JAKMIP2: variants seen among roughly 807,000 people sequenced by gnomAD.
The protein encoded by JAKMIP2 is janus kinase and microtubule interacting protein 2.
JAKMIP2 carries 25 observed loss-of-function variants against 115.0 expected under a neutral mutation model. That is an observed-to-expected ratio of 0.22 (90% CI 0.16 to 0.30). JAKMIP2 has a LOEUF of 0.30. Among genes scored for constraint, JAKMIP2 ranks in the 10% least tolerant of loss-of-function variants. The probability of loss-of-function intolerance (pLI) is 1.00; values close to 1 mark genes in which losing one functional copy is unlikely to be tolerated. For missense variants in JAKMIP2, 642 were observed against 957.6 expected, an observed-to-expected ratio of 0.67 and a Z score of 4.35; for synonymous variants, 334 against 343.6, an observed-to-expected ratio of 0.97 and a Z score of 0.31.
intron 1 of JAKMIP2, among the ~76,000 whole-genome samples, chr5:147,751,350 C>T (rs111710543): frequency 3.3e-5 from 5 of 151,740 alleles, no homozygotes; most frequent in East Asian, 1.9e-4. Flanking sequence ...CGCCCTCCTC[C>T]GCCTCCCAAC....
In JAKMIP2 at chr5:147,770,554, G is replaced by A. The variant is rs139857522; in HGVS notation, c.-149+11902C>T. Reference sequence around the variant, plus strand: ...TTTAAACAAAAAAGCCTCGAGTTGCGTGAATTTACACCACGTAAATGATAA... The same window carrying A: ...TTTAAACAAAAAAGCCTCGAGTTGCATGAATTTACACCACGTAAATGATAA... On this transcript the variant is annotated intron_variant, in intron 1 of 21. Transcript: ENST00000616793. 7.3e-3 allele frequency among the ~76,000 whole-genome samples: 1,117 copies of A among 151,994 alleles called. 6 individuals are homozygous for A. The highest frequency in any genetic ancestry group is 0.025 in the African/African-American group (1,026 of 41,464).
intron 8 of JAKMIP2, 151 bp from the exon 9 acceptor site, chr5:147,640,974 C>CGTA (rs1561508871): frequency 1.7e-6 from 1 of 594,556 alleles, no homozygotes; most frequent in African/African-American, 1.9e-5. Context: ...TAGGCATGAG[C>CGTA]ATAATTCCAA....
chr5:147,732,786 G>A (rs988794132), intron 1 of JAKMIP2, among the ~76,000 whole-genome samples: 2 of 152,136 alleles, frequency 1.3e-5, no homozygotes, highest in Non-Finnish European at 2.9e-5. Context: ...TCACAGCTGG[G>A]ATCACACGAT....
intron 1 of JAKMIP2, among the ~76,000 whole-genome samples, chr5:147,714,839 G>C (rs1169092529): frequency 6.6e-6 from 1 of 151,984 alleles, no homozygotes; most frequent in Non-Finnish European, 1.5e-5. Context: ...TGTCCTTCAA[G>C]AATGAAGGTA....
chr5:147,748,734 C>T (rs932270674), intron 1 of JAKMIP2, among the ~76,000 whole-genome samples: 6 of 152,160 alleles, frequency 3.9e-5, no homozygotes, highest in Admixed American at 1.3e-4. Flanking sequence ...TGGGGGTGGC[C>T]ATGCAAATGG....
intron 3 of JAKMIP2, among the ~76,000 whole-genome samples, chr5:147,657,069 G>A (rs942231080): frequency 1.4e-4 from 21 of 152,148 alleles, no homozygotes; most frequent in Admixed American, 2.6e-4. Context: ...CACAAGGTCA[G>A]GAGATCGAGA....
chr5:147,684,144 T>C (rs1760456894), intron 1 of JAKMIP2, among the ~76,000 whole-genome samples: 1 of 152,076 alleles, frequency 6.6e-6, no homozygotes, highest in African/African-American at 2.4e-5. Flanking sequence ...AGTCAACGTA[T>C]CCACATAGGC....
chr5:147,744,722 T>C (rs1754286520), intron 1 of JAKMIP2, among the ~76,000 whole-genome samples: 1 of 152,156 alleles, frequency 6.6e-6, no homozygotes, highest in African/African-American at 2.4e-5. Context: ...TCAGTCCTGT[T>C]ACAGTATCTC....
At chr5:147,729,701 G>A (rs1382163505) in intron 1 of JAKMIP2, among the ~76,000 whole-genome samples, 2 of 151,640 alleles carry the variant, frequency 1.3e-5, no homozygotes, top group Non-Finnish European at 2.9e-5. Context: ...GTGAACCCAG[G>A]AGGCGGAGCT....
At chr5:147,758,664 C>T (rs1754829090) in intron 1 of JAKMIP2, among the ~76,000 whole-genome samples, 1 of 152,056 alleles carries the variant, frequency 6.6e-6, no homozygotes, top group Non-Finnish European at 1.5e-5. Context: ...CCCACTGTGG[C>T]CTTGAACTCC....
chr5:147,712,403 A>G (rs1392327608), intron 1 of JAKMIP2, among the ~76,000 whole-genome samples: 5 of 152,168 alleles, frequency 3.3e-5, no homozygotes. Flanking sequence ...CCTTTTTAAA[A>G]TCCATTGTTT....
At chr5:147,749,659 G>C (rs1393880576) in intron 1 of JAKMIP2, among the ~76,000 whole-genome samples, 1 of 152,194 alleles carries the variant, frequency 6.6e-6, no homozygotes, top group African/African-American at 2.4e-5. Flanking sequence ...CCAAGTAGTG[G>C]ATGCCTAATA....
At chr5:147,658,695 G>C (rs911917139) in intron 3 of JAKMIP2, among the ~76,000 whole-genome samples, 1 of 152,146 alleles carries the variant, frequency 6.6e-6, no homozygotes, top group African/African-American at 2.4e-5. Flanking sequence ...CCCCTGAATG[G>C]AGCTGCTGGA....
At chr5:147,738,497 A>G (rs1271024240) in intron 1 of JAKMIP2, among the ~76,000 whole-genome samples, 1 of 152,186 alleles carries the variant, frequency 6.6e-6, no homozygotes, top group Non-Finnish European at 1.5e-5. Flanking sequence ...GTTCACCTCA[A>G]CTTCAAAAAG....
At chr5:147,642,808 G>A (rs913543785) in intron 7 of JAKMIP2, among the ~76,000 whole-genome samples, 1 of 152,086 alleles carries the variant, frequency 6.6e-6, no homozygotes, top group Non-Finnish European at 1.5e-5. Context: ...TGTCTACGTG[G>A]GTGTTGCCAA....
chr5:147,727,103 T>A (rs1753550148), intron 1 of JAKMIP2, among the ~76,000 whole-genome samples: 1 of 152,226 alleles, frequency 6.6e-6, no homozygotes, highest in South Asian at 2.1e-4. Context: ...GATTCTCTTC[T>A]CCTCCATGAA....
intron 16 of JAKMIP2, among the ~76,000 whole-genome samples, chr5:147,626,488 G>A (rs1042430830): frequency 2.0e-5 from 3 of 152,146 alleles, no homozygotes; most frequent in African/African-American, 7.2e-5. Context: ...CAGACTCCTT[G>A]GGTGTGAATC....
chr5:147,765,339 C>T (rs1755117705), intron 1 of JAKMIP2, among the ~76,000 whole-genome samples: 1 of 151,984 alleles, frequency 6.6e-6, no homozygotes, highest in African/African-American at 2.4e-5. Context: ...TTTTTTCCAA[C>T]TGATGGTGAT....
intron 1 of JAKMIP2, among the ~76,000 whole-genome samples, chr5:147,767,768 T>C (rs759169269): frequency 1.1e-4 from 17 of 152,246 alleles, no homozygotes; most frequent in Admixed American, 6.5e-4. Flanking sequence ...CGGTTCAAAT[T>C]GGAAAAAAAT....
Sources: allele counts gnomAD v4.1 joint callset (sites outside exome capture counted in the v4.1 genomes callset), GRCh38; gene constraint gnomAD v4.1.1; transcripts MANE v1.5; gene names NCBI Gene and HGNC (gene_info 2026-07-23, HGNC 2026-07-21).